PEMT: variants seen among roughly 807,000 people sequenced by gnomAD.
The protein encoded by PEMT is phosphatidylethanolamine N-methyltransferase, also known as phospholipid methyltransferase.
A neutral mutation model predicts 27.4 loss-of-function variants in PEMT; 23 were observed. That is an observed-to-expected ratio of 0.84 (90% CI 0.60 to 1.19). The LOEUF is 1.19. PEMT is among the 50% of genes most tolerant of loss of function. The pLI is 0.00. For synonymous variants in PEMT, 137 were observed against 139.1 expected (o/e 0.98, Z 0.11); for missense variants, 307 against 310.1 (o/e 0.99, Z 0.07).
chr17:17,578,038 C>T (rs546865188), intron 1 of PEMT, among the ~76,000 whole-genome samples: 6 of 147,012 alleles, frequency 4.1e-5, no homozygotes, highest in Admixed American at 6.8e-5. Context: ...AAAAAAAGCA[C>T]GAGGTCTACA....
intron 5 of PEMT, chr17:17,506,874 C>T: frequency 2.1e-6 from 1 of 466,086 alleles, no homozygotes; most frequent in East Asian, 3.7e-5. Flanking sequence ...CCGCCCAGCC[C>T]TCAACACCTA....
intron 1 of PEMT, 24 bp downstream of exon 1, chr17:17,591,507 G>A (rs1192838769): frequency 6.3e-7 from 1 of 1,577,620 alleles, no homozygotes; most frequent in African/African-American, 1.4e-5. Flanking sequence ...CCCAGTTTCC[G>A]CGGCGGTCCG....
At chr17:17,522,857 C>T (rs529713177) in intron 2 of PEMT, among the ~76,000 whole-genome samples, 20 of 152,198 alleles carry the variant, frequency 1.3e-4, no homozygotes, top group African/African-American at 3.4e-4. Context: ...CCCAAATTTC[C>T]GCTGGGGGCC....
chr17:17,562,733 T>C (rs1910575885), intron 2 of PEMT, among the ~76,000 whole-genome samples: 1 of 151,982 alleles, frequency 6.6e-6, no homozygotes, highest in Non-Finnish European at 1.5e-5. Flanking sequence ...TTCTTGAACC[T>C]GGGAGGCAGA....
At chr17:17,571,466 C>T (rs1911187002) in intron 2 of PEMT, among the ~76,000 whole-genome samples, 1 of 151,896 alleles carries the variant, frequency 6.6e-6, no homozygotes, top group African/African-American at 2.4e-5. Flanking sequence ...GGAGGAGATG[C>T]CAGCTGGCCA....
intron 2 of PEMT, among the ~76,000 whole-genome samples, chr17:17,548,120 A>G (rs567199324): frequency 3.3e-5 from 5 of 152,334 alleles, no homozygotes; most frequent in Middle Eastern, 3.4e-3. Context: ...GAGGGGAAGG[A>G]ATGACTTCCT....
intron 2 of PEMT, among the ~76,000 whole-genome samples, chr17:17,562,842 C>T (rs1910584494): frequency 6.6e-6 from 1 of 152,128 alleles, no homozygotes; most frequent in African/African-American, 2.4e-5. Flanking sequence ...GCCCCCAGGT[C>T]CCACCAGACC....
intron 1 of PEMT, among the ~76,000 whole-genome samples, chr17:17,580,962 G>A (rs1368283666): frequency 6.6e-6 from 1 of 152,192 alleles, no homozygotes; most frequent in African/African-American, 2.4e-5. Context: ...AGCCAAAGAG[G>A]AGAAAGGGCA....
chr17:17,551,495 C>T (rs555468493), intron 2 of PEMT, among the ~76,000 whole-genome samples: 66 of 152,318 alleles, frequency 4.3e-4, no homozygotes, highest in African/African-American at 1.4e-3. Context: ...AGCAGCCCAG[C>T]CCAGTCCCTG....
In PEMT at chr17:17,521,378, G is replaced by A. The variant is rs778031495; in HGVS notation, c.320+902C>T. On this transcript the variant is annotated intron_variant, in intron 3 of 6. Transcript: ENST00000255389. ...CCTGCACAGCCTGCATCCCCAGGTC[G>A]CCTGCAGCCATCACATTCCACGCAG... 8.5e-5 allele frequency among the ~76,000 whole-genome samples: 13 copies of A among 152,164 alleles called. 1 individual carries two copies. Among genetic ancestry groups the A allele is most frequent in the Admixed American group, 3.9e-4 (6 of 15,282 alleles).
At chr17:17,528,129 C>G (rs773702256) in intron 2 of PEMT, among the ~76,000 whole-genome samples, 3 of 152,234 alleles carry the variant, frequency 2.0e-5, no homozygotes, top group Non-Finnish European at 4.4e-5. Flanking sequence ...AGGAGCCCAT[C>G]CCTTTTGTTT....
At chr17:17,570,209 C>T (rs1042981709) in intron 2 of PEMT, among the ~76,000 whole-genome samples, 10 of 152,328 alleles carry the variant, frequency 6.6e-5, no homozygotes, top group Middle Eastern at 3.4e-3. Context: ...AGCTGCCACC[C>T]GGAGCACTGC....
At chr17:17,558,184 A>G (rs558014137) in intron 2 of PEMT, among the ~76,000 whole-genome samples, 2 of 151,094 alleles carry the variant, frequency 1.3e-5, no homozygotes, top group East Asian at 3.9e-4. Context: ...CTCCACACAC[A>G]TACAAACACA....
intron 2 of PEMT, among the ~76,000 whole-genome samples, chr17:17,546,625 C>G (rs1206977150): frequency 6.6e-6 from 1 of 152,212 alleles, no homozygotes; most frequent in Non-Finnish European, 1.5e-5. Context: ...CCATCCAGCC[C>G]CCAGGCCTCT....
chr17:17,544,350 G>C (rs1198461553), intron 2 of PEMT, among the ~76,000 whole-genome samples: 1 of 149,496 alleles, frequency 6.7e-6, no homozygotes, highest in Non-Finnish European at 1.5e-5. Flanking sequence ...GTGTGATCTC[G>C]GCTCACTGCA....
Position 17,512,513 on chromosome 17 carries a change from G to C in PEMT, c.462C>G (p.Phe154Leu), listed in dbSNP as rs769070914. Residue 154 changes from phenylalanine to leucine, a missense_variant, in exon 4 of 7, where the codon TTC becomes TTG. By Grantham distance (22) the Phe-to-Leu change is conservative. Coordinates refer to ENST00000255389, the MANE Select transcript of PEMT (RefSeq NM_148172.3). The surrounding 1 kb of genome is among the most constrained non-coding windows in gnomAD (Gnocchi z 6.3). ...CCCCAGCCCTCAGGGTCTTACCTAG[G>C]AAAGTTCCAGCGAACCCCAGTGCAA... ...SFFALGFAGTFLGDYFGILKE... is the reference protein window; with the variant it reads ...SFFALGFAGTLLGDYFGILKE... 5 of 1,598,008 alleles carry C rather than the reference G, an allele frequency of 3.1e-6. No homozygotes were observed. The highest frequency in any genetic ancestry group is 4.3e-6 in the Non-Finnish European group (5 of 1,171,296).
At chr17:17,564,515 G>T (rs964956704) in intron 2 of PEMT, among the ~76,000 whole-genome samples, 1 of 152,058 alleles carries the variant, frequency 6.6e-6, no homozygotes, top group Non-Finnish European at 1.5e-5. Context: ...ACAGCAGGGC[G>T]GTGCAGAACA....
At chr17:17,517,378 C>A (rs763007627) in intron 3 of PEMT, among the ~76,000 whole-genome samples, 2 of 152,242 alleles carry the variant, frequency 1.3e-5, no homozygotes, top group African/African-American at 4.8e-5. Context: ...CAGCAGGAGT[C>A]GCTTTTTTCT....
chr17:17,509,665 C>T (rs1906204529), intron 4 of PEMT, 120 bp from the exon 5 acceptor site: 5 of 710,280 alleles, frequency 7.0e-6, no homozygotes, highest in Non-Finnish European at 1.0e-5. Flanking sequence ...CCCTGCCCTC[C>T]AGGAGACTTC....
Sources: allele counts gnomAD v4.1 joint callset (sites outside exome capture counted in the v4.1 genomes callset), GRCh38; gene constraint gnomAD v4.1.1; non-coding constraint Gnocchi (gnomAD v3.1); transcripts MANE v1.5; gene names NCBI Gene and HGNC (gene_info 2026-07-23, HGNC 2026-07-21).